GTF2IRD1: variants seen among roughly 807,000 people sequenced by gnomAD.
The protein encoded by GTF2IRD1 is general transcription factor II-I repeat domain-containing protein 1.
Under a neutral mutation model 113.2 loss-of-function variants are expected in GTF2IRD1, and 26 were observed. That is an observed-to-expected ratio of 0.23 (90% CI 0.17 to 0.32). The LOEUF is 0.32. Among genes scored for constraint, GTF2IRD1 ranks in the 10% least tolerant of loss-of-function variants. The pLI is 1.00. For synonymous variants in GTF2IRD1, 484 were observed against 529.1 expected, an observed-to-expected ratio of 0.91 and a Z score of 1.17; for missense variants, 864 against 1,280.8, an observed-to-expected ratio of 0.67 and a Z score of 4.97.
chr7:74,556,415 G>C (rs1166102434), intron 19 of GTF2IRD1, among the ~76,000 whole-genome samples: 1 of 151,598 alleles, frequency 6.6e-6, no homozygotes, highest in African/African-American at 2.4e-5. Flanking sequence ...CCGCTTCCCG[G>C]GTTCAAGCAA....
Position 74,518,225 on chromosome 7 carries a change from C to CCCGAAGGCCTGGCCTT in GTF2IRD1, c.518_533dup (p.Ala179GlyfsTer9). 6.2e-7 allele frequency: 1 copy of CCCGAAGGCCTGGCCTT among 1,611,622 alleles called. No homozygotes were observed. Among genetic ancestry groups the CCCGAAGGCCTGGCCTT allele is most frequent in the Non-Finnish European group, 8.5e-7 (1 of 1,179,284 alleles). On this transcript the variant is annotated frameshift_variant, in exon 5 of 27. Transcript: ENST00000424337. LOFTEE classifies it high-confidence loss of function. ...AGGGCTGCTGGCCGTGCAGGGGCTG[C>CCCGAAGGCCTGGCCTT]CCGAAGGCCTGGCCTTCCGAAGGCC...
chr7:74,582,910 G>A (rs1342526184), intron 22 of GTF2IRD1, among the ~76,000 whole-genome samples: 1 of 151,934 alleles, frequency 6.6e-6, no homozygotes, highest in Non-Finnish European at 1.5e-5. Flanking sequence ...TTAGCTGGGT[G>A]TGGTAGCCCA....
At chr7:74,561,425 G>T (rs1366479613) in intron 22 of GTF2IRD1, among the ~76,000 whole-genome samples, 1 of 152,062 alleles carries the variant, frequency 6.6e-6, no homozygotes, top group African/African-American at 2.4e-5. Flanking sequence ...CCAGAAGGGG[G>T]ATCAGGAGGG....
intron 1 of GTF2IRD1, among the ~76,000 whole-genome samples, chr7:74,491,910 TC>T (rs1272204701): frequency 6.6e-6 from 1 of 152,222 alleles, no homozygotes; most frequent in Non-Finnish European, 1.5e-5. Context: ...CACACTGTCT[TC>T]CACAATGGCT....
chr7:74,539,722 C>A (rs367642536), intron 13 of GTF2IRD1, among the ~76,000 whole-genome samples, 157 bp from the exon 14 acceptor site: 10 of 150,850 alleles, frequency 6.6e-5, no homozygotes, highest in African/African-American at 2.2e-4. Flanking sequence ...CCTGCCTGGA[C>A]GACAGAGTGA....
At position 74,547,302 on chromosome 7, in the gene GTF2IRD1, G is replaced by A; in HGVS notation, c.1916+16G>A. On this transcript the variant is annotated intron_variant, in intron 17 of 26. Coordinates refer to ENST00000424337, the MANE Select transcript of GTF2IRD1 (RefSeq NM_005685.4). Reference sequence around the variant, plus strand: ...TCATCAAGAGGTAAGGCCCAACCAGGTCCATGGGAGACAGCACCGGCCCTG... The same window carrying A: ...TCATCAAGAGGTAAGGCCCAACCAGATCCATGGGAGACAGCACCGGCCCTG... The A allele has an allele frequency of 6.3e-7, 1 of 1,589,098 alleles. No homozygotes were observed. The highest frequency in any genetic ancestry group is 8.6e-7 in the Non-Finnish European group (1 of 1,169,058).
intron 2 of GTF2IRD1, 42 bp downstream of exon 2, chr7:74,508,245 C>G: frequency 1.3e-6 from 2 of 1,582,000 alleles, no homozygotes; most frequent in Non-Finnish European, 1.7e-6. Flanking sequence ...ACAGGGTGAG[C>G]GTCCCCACCT....
chr7:74,535,836 C>T (rs945461017), intron 10 of GTF2IRD1, among the ~76,000 whole-genome samples: 1 of 152,190 alleles, frequency 6.6e-6, no homozygotes, highest in Non-Finnish European at 1.5e-5. Flanking sequence ...ATGGGGAAGC[C>T]CCGGCCCTTT....
chr7:74,586,371 G>T (rs1801719216), intron 22 of GTF2IRD1, among the ~76,000 whole-genome samples: 1 of 152,190 alleles, frequency 6.6e-6, no homozygotes, highest in African/African-American at 2.4e-5. Flanking sequence ...GGGATGTGGA[G>T]CGTGGGGTCT....
chr7:74,494,946 G>A (rs1410221178), intron 1 of GTF2IRD1, among the ~76,000 whole-genome samples: 2 of 152,040 alleles, frequency 1.3e-5, no homozygotes, highest in African/African-American at 2.4e-5. Context: ...AGAGATGGGG[G>A]GTCTCACTAT....
chr7:74,547,024 G>T, intron 16 of GTF2IRD1, 79 bp from the exon 17 acceptor site: 1 of 1,352,478 alleles, frequency 7.4e-7, no homozygotes, highest in South Asian at 1.3e-5. Flanking sequence ...TTTGCCCCCC[G>T]ACACAGGCAC....
chr7:74,496,802 A>G (rs1019384375), intron 1 of GTF2IRD1, among the ~76,000 whole-genome samples: 1 of 151,996 alleles, frequency 6.6e-6, no homozygotes, highest in Non-Finnish European at 1.5e-5. Flanking sequence ...CTTAGGAACG[A>G]CACTCGACAG....
In GTF2IRD1 at chr7:74,512,981, C is replaced by T. The variant is rs1554343474; in HGVS notation, c.265+10C>T. The T allele has an allele frequency of 6.2e-7, 1 of 1,612,160 alleles. No individual in the cohort carries two copies. Among genetic ancestry groups the T allele is most frequent in the Non-Finnish European group, 8.5e-7 (1 of 1,179,228 alleles). On this transcript the variant is annotated intron_variant, in intron 3 of 26. Coordinates refer to ENST00000424337, the MANE Select transcript of GTF2IRD1 (RefSeq NM_005685.4). The surrounding 1 kb of genome is among the most constrained non-coding windows in gnomAD (Gnocchi z 4.4). ...TTCCTCAGGTTCTGCCGTGAGTACC[C>T]CAGGGCTCCGGAGGGCCGGGCCCGC...
intron 13 of GTF2IRD1, among the ~76,000 whole-genome samples, chr7:74,539,186 T>A (rs1798483503): frequency 1.3e-5 from 2 of 152,170 alleles, no homozygotes; most frequent in African/African-American, 4.8e-5. Context: ...TGGCTCATGC[T>A]TGTAATCCTG....
intron 3 of GTF2IRD1, 62 bp from the exon 4 acceptor site, chr7:74,515,379 G>A (rs1796870132): frequency 1.3e-6 from 2 of 1,545,874 alleles, no homozygotes. Context: ...CGACATCCCA[G>A]CTCGAAGGCC....
chr7:74,547,636 A>C (rs1248328986), intron 17 of GTF2IRD1, among the ~76,000 whole-genome samples: 1 of 151,088 alleles, frequency 6.6e-6, no homozygotes, highest in Admixed American at 6.6e-5. Flanking sequence ...ACAGGGTTTC[A>C]CCATGTTGGC....
At chr7:74,546,256 C>T (rs1253128685) in intron 16 of GTF2IRD1, among the ~76,000 whole-genome samples, 4 of 139,990 alleles carry the variant, frequency 2.9e-5, no homozygotes, top group African/African-American at 1.1e-4. Context: ...GAGTCTCACT[C>T]TGTTGCCCAG....
intron 1 of GTF2IRD1, among the ~76,000 whole-genome samples, chr7:74,483,744 A>C (rs1389293550): frequency 2.6e-5 from 4 of 151,768 alleles, no homozygotes; most frequent in African/African-American, 9.7e-5. Flanking sequence ...GCAGGGAGCT[A>C]CTCGGGAGGC....
Position 74,508,188 on chromosome 7 carries a change from T to C in GTF2IRD1, c.108T>C (p.Ser36=). 6.2e-7 allele frequency: 1 copy of C among 1,612,702 alleles called. No individual in the cohort carries two copies. The highest frequency in any genetic ancestry group is 8.5e-7 in the Non-Finnish European group (1 of 1,179,898). ...RKDEIITSLV[S]ALDSMCSALS... ...ACGAGATCATCACCAGCCTCGTGTCTGCCTTAGACTCCATGGTGAGTGTCC... is the reference window on the plus strand; with the variant it reads ...ACGAGATCATCACCAGCCTCGTGTCCGCCTTAGACTCCATGGTGAGTGTCC... The change falls in exon 2 of 27, where the codon TCT becomes TCC. Residue 36 remains serine, a synonymous_variant. Transcript: ENST00000424337.
Sources: gnomAD v4.1 joint callset for allele counts (sites outside exome capture counted in the v4.1 genomes callset) on GRCh38, gnomAD v4.1.1 for gene constraint, Gnocchi (gnomAD v3.1) non-coding constraint, MANE v1.5 for transcripts, NCBI Gene and HGNC (gene_info 2026-07-23, HGNC 2026-07-21) for gene names.